Variants in CNTNAP5 observed in about 807,000 individuals in gnomAD.
CNTNAP5 encodes the protein contactin associated protein family member 5.
A neutral mutation model predicts 150.2 loss-of-function variants in CNTNAP5; 72 were observed. The observed-to-expected ratio is 0.48, with a 90% CI of 0.40 to 0.58. The LOEUF is 0.58. CNTNAP5 is among the 20% of genes least tolerant of loss of function. The probability of loss-of-function intolerance (pLI) is 0.00; values close to 1 mark genes in which losing one functional copy is unlikely to be tolerated. For missense variants in CNTNAP5, 1,636 were observed against 1,626.2 expected (o/e 1.01, Z -0.10); for synonymous variants, 672 against 619.8 (o/e 1.08, Z -1.25).
intron 3 of CNTNAP5, among the ~76,000 whole-genome samples, chr2:124,387,767 A>G (rs1055732534): frequency 5.3e-5 from 8 of 152,130 alleles, no homozygotes; most frequent in Non-Finnish European, 1.0e-4. Context: ...ATCTGGATGT[A>G]TACGTGCAAG....
chr2:124,582,534 T>C (rs1382447517), intron 11 of CNTNAP5, among the ~76,000 whole-genome samples: 1 of 152,182 alleles, frequency 6.6e-6, no homozygotes, highest in Non-Finnish European at 1.5e-5. Flanking sequence ...CTTGCCTACC[T>C]GGGCTAGCAG....
At chr2:124,723,854 C>A (rs1019563100) in intron 13 of CNTNAP5, among the ~76,000 whole-genome samples, 3 of 152,060 alleles carry the variant, frequency 2.0e-5, no homozygotes, top group Non-Finnish European at 4.4e-5. Context: ...CTTTTAAGAT[C>A]TTATCTTTAG....
intron 1 of CNTNAP5, among the ~76,000 whole-genome samples, chr2:124,168,743 A>T (rs948872581): frequency 6.6e-6 from 1 of 152,016 alleles, no homozygotes; most frequent in Non-Finnish European, 1.5e-5. Flanking sequence ...AATATAGAGT[A>T]AAAAAAATAA....
chr2:124,625,983 A>G (rs979201471), intron 12 of CNTNAP5, among the ~76,000 whole-genome samples: 1 of 152,190 alleles, frequency 6.6e-6, no homozygotes, highest in African/African-American at 2.4e-5. Context: ...AGAAATGATC[A>G]CTTATTCTTA....
At chr2:124,054,128 C>A (rs1681782583) in intron 1 of CNTNAP5, among the ~76,000 whole-genome samples, 1 of 152,064 alleles carries the variant, frequency 6.6e-6, no homozygotes, top group Non-Finnish European at 1.5e-5. Flanking sequence ...TGAAGAACAC[C>A]AAGAAGCAAA....
At chr2:124,053,043 C>T (rs1430345019) in intron 1 of CNTNAP5, among the ~76,000 whole-genome samples, 5 of 147,994 alleles carry the variant, frequency 3.4e-5, no homozygotes, top group African/African-American at 1.3e-4. Context: ...CCTTCCTCTG[C>T]GTACCTTGAT....
intron 13 of CNTNAP5, among the ~76,000 whole-genome samples, chr2:124,683,951 AT>A (rs1448936817): frequency 6.6e-6 from 1 of 152,116 alleles, no homozygotes; most frequent in African/African-American, 2.4e-5. Context: ...TGGACAATTC[AT>A]TTTCTTTCTC....
At chr2:124,400,143 C>A (rs1043331989) in intron 3 of CNTNAP5, among the ~76,000 whole-genome samples, 1 of 151,202 alleles carries the variant, frequency 6.6e-6, no homozygotes, top group Non-Finnish European at 1.5e-5. Context: ...GAAACCAATG[C>A]TACATTTATT....
At chr2:124,394,053 TTA>T (rs1691185428) in intron 3 of CNTNAP5, among the ~76,000 whole-genome samples, 1 of 152,146 alleles carries the variant, frequency 6.6e-6, no homozygotes, top group African/African-American at 2.4e-5. Flanking sequence ...GTTATAGCTA[TTA>T]TATGTTTTCT....
intron 17 of CNTNAP5, among the ~76,000 whole-genome samples, chr2:124,788,603 C>G (rs988439559): frequency 7.3e-6 from 1 of 136,332 alleles, no homozygotes; most frequent in Non-Finnish European, 1.6e-5. Context: ...TTCTTTCTTT[C>G]TTTTTTTTTT....
At chr2:124,566,714 A>G (rs10179284) in intron 11 of CNTNAP5, among the ~76,000 whole-genome samples, 2,479 of 152,246 alleles carry the variant, frequency 0.016, 66 homozygotes, top group African/African-American at 0.056. Context: ...CAATTCAAAT[A>G]TTTGTCCTCC....
At chr2:124,166,582 C>T (rs1684814131) in intron 1 of CNTNAP5, among the ~76,000 whole-genome samples, 1 of 152,086 alleles carries the variant, frequency 6.6e-6, no homozygotes, top group South Asian at 2.1e-4. Context: ...TATTGACTTC[C>T]ACTTTTACTT....
At chr2:124,776,845 G>A (rs1317149372) in intron 17 of CNTNAP5, among the ~76,000 whole-genome samples, 5 of 152,082 alleles carry the variant, frequency 3.3e-5, no homozygotes, top group African/African-American at 1.2e-4. Flanking sequence ...AAAAAGTGAA[G>A]AAATAATTGT....
At chr2:124,271,864 G>C (rs938802521) in intron 3 of CNTNAP5, among the ~76,000 whole-genome samples, 3 of 151,832 alleles carry the variant, frequency 2.0e-5, no homozygotes, top group African/African-American at 7.3e-5. Flanking sequence ...ACAGGAGCTC[G>C]CCACCATTCC....
Position 124,527,323 on chromosome 2 carries a change from C to A in CNTNAP5, c.1516C>A (p.Pro506Thr). 2 of 1,613,600 alleles carry A rather than the reference C, an allele frequency of 1.2e-6. No homozygotes were observed. ...TCTCACCGATTCCCAATGTTTAAATCCCATTAAGGCTTTCCAAGGCTGCAT... is the reference window on the plus strand; with the variant it reads ...TCTCACCGATTCCCAATGTTTAAATACCATTAAGGCTTTCCAAGGCTGCAT... Reference protein sequence around the residue: ...DNLTDSQCLNPIKAFQGCMRL... With the variant: ...DNLTDSQCLNTIKAFQGCMRL... The change falls in exon 10 of 24, where the codon CCC becomes ACC. Residue 506 changes from proline to threonine, a missense_variant. By Grantham distance (38) the Pro-to-Thr change is conservative. Transcript: ENST00000682447.
intron 4 of CNTNAP5, among the ~76,000 whole-genome samples, chr2:124,425,373 A>G (rs1034493043): frequency 6.6e-6 from 1 of 152,230 alleles, no homozygotes; most frequent in Non-Finnish European, 1.5e-5. Flanking sequence ...TTTAGTGGGC[A>G]ATTGTGTCAA....
At chr2:124,660,045 AG>A (rs1234921789) in intron 13 of CNTNAP5, among the ~76,000 whole-genome samples, 1 of 40,454 alleles carries the variant, frequency 2.5e-5, no homozygotes, top group Non-Finnish European at 4.6e-5. Flanking sequence ...GAAGGAAGAA[AG>A]GAAGGAAGGA....
chr2:124,060,566 A>C (rs1472272798), intron 1 of CNTNAP5, among the ~76,000 whole-genome samples: 1 of 152,146 alleles, frequency 6.6e-6, no homozygotes, highest in African/African-American at 2.4e-5. Context: ...GCCTTTATGG[A>C]CCTCCTTAGG....
In CNTNAP5 at chr2:124,455,918, T is replaced by C. The variant is rs548950293; in HGVS notation, c.918+8981T>C. ...TTGGCATGCAAGGGACATACTTCCATGTAATAAAAGCCATCTGTGACAAGC... is the reference window on the plus strand; with the variant it reads ...TTGGCATGCAAGGGACATACTTCCACGTAATAAAAGCCATCTGTGACAAGC... On this transcript the variant is annotated intron_variant, in intron 6 of 23. Transcript: ENST00000682447. Among the ~76,000 whole-genome samples the C allele has an allele frequency of 8.9e-4, 136 of 152,144 alleles. 1 individual carries two copies. Among genetic ancestry groups the C allele is most frequent in the Non-Finnish European group, 1.5e-3 (100 of 67,964 alleles).
Sources: gnomAD v4.1 joint callset for allele counts (sites outside exome capture counted in the v4.1 genomes callset) on GRCh38, gnomAD v4.1.1 for gene constraint, MANE v1.5 for transcripts, NCBI Gene and HGNC (gene_info 2026-07-23, HGNC 2026-07-21) for gene names.